NFATC2: variants seen among roughly 807,000 people sequenced by gnomAD.
NFATC2 encodes nuclear factor of activated T-cells, cytoplasmic 2.
NFATC2 carries 22 observed loss-of-function variants against 87.3 expected under a neutral mutation model. The observed-to-expected ratio is 0.25, with a 90% confidence interval of 0.18 to 0.36. The LOEUF is 0.36. Ranked by LOEUF, NFATC2 falls within the 10% of genes least tolerant of loss-of-function variation. NFATC2 has a pLI of 1.00. For synonymous variants in NFATC2, 565 were observed against 542.2 expected (o/e 1.04, Z -0.58); for missense variants, 1,149 against 1,259.1 (o/e 0.91, Z 1.32).
At chr20:51,392,787 G>A (rs1304375944) in intron 10 of NFATC2, among the ~76,000 whole-genome samples, 9 of 152,146 alleles carry the variant, frequency 5.9e-5, no homozygotes. Context: ...GTTTCTCCAT[G>A]GTCAAAGCTG....
intron 9 of NFATC2, chr20:51,399,314 AAAT>A (rs1987724336): frequency 6.5e-6 from 1 of 152,758 alleles, no homozygotes; most frequent in African/African-American, 2.4e-5. Context: ...AGTCTATTGT[AAAT>A]AATACTCCTC....
At chr20:51,454,817 T>C (rs1986225466) in intron 5 of NFATC2, 129 bp from the exon 6 acceptor site, 1 of 1,022,540 alleles carries the variant, frequency 9.8e-7, no homozygotes, top group Non-Finnish European at 1.4e-6. Context: ...ATCTAAAATG[T>C]GGAACCATCA....
chr20:51,441,470 C>G (rs1048553065), intron 6 of NFATC2, among the ~76,000 whole-genome samples: 1 of 152,014 alleles, frequency 6.6e-6, no homozygotes, highest in Non-Finnish European at 1.5e-5. Context: ...AATCCCAGCA[C>G]TTTGGGAGGC....
chr20:51,440,837 C>A (rs1024636067), intron 6 of NFATC2, among the ~76,000 whole-genome samples: 2 of 152,220 alleles, frequency 1.3e-5, no homozygotes, highest in Non-Finnish European at 2.9e-5. Flanking sequence ...GGGAAGTGTG[C>A]GGTTTGCAAG....
At chr20:51,417,206 A>G (rs1980169023) in intron 9 of NFATC2, among the ~76,000 whole-genome samples, 1 of 152,108 alleles carries the variant, frequency 6.6e-6, no homozygotes, top group South Asian at 2.1e-4. Flanking sequence ...CACGGCGCCC[A>G]GTAAGGGGGA....
intron 1 of NFATC2, among the ~76,000 whole-genome samples, chr20:51,548,644 G>T (rs1307936271): frequency 6.6e-6 from 1 of 152,180 alleles, no homozygotes. Context: ...AATTTAAGTG[G>T]ACATCCTGTA....
At chr20:51,419,438 T>TC (rs1244656957) in intron 9 of NFATC2, among the ~76,000 whole-genome samples, 1 of 152,094 alleles carries the variant, frequency 6.6e-6, no homozygotes, top group African/African-American at 2.4e-5. Context: ...TCCTCTTTTT[T>TC]CCCATCCAGG....
intron 9 of NFATC2, among the ~76,000 whole-genome samples, chr20:51,414,481 G>C (rs1979744888): frequency 6.6e-6 from 1 of 152,124 alleles, no homozygotes; most frequent in Non-Finnish European, 1.5e-5. Flanking sequence ...CTGAGGTCAG[G>C]AGTTCGAGAC....
At chr20:51,529,928 C>G (rs1693703085) in intron 1 of NFATC2, among the ~76,000 whole-genome samples, 1 of 152,146 alleles carries the variant, frequency 6.6e-6, no homozygotes. Context: ...AGCCCCGCCC[C>G]CGCCAATGCT....
intron 3 of NFATC2, among the ~76,000 whole-genome samples, chr20:51,512,720 T>C (rs748640982): frequency 5.7e-4 from 87 of 152,178 alleles, no homozygotes; most frequent in Admixed American, 9.8e-4. Context: ...CCACTAGGCA[T>C]GAAAAAAGAA....
At position 51,480,429 on chromosome 20, in the gene NFATC2, A is replaced by G. The variant is rs1258384168; in HGVS notation, c.1333-4769T>C. ...ACAAAAACGGTAGTTCCTTGAGAGAAAAACCTCTTTAGGAAAGCCAAGAAT... is the reference window on the plus strand; with the variant it reads ...ACAAAAACGGTAGTTCCTTGAGAGAGAAACCTCTTTAGGAAAGCCAAGAAT... On this transcript the variant is annotated intron_variant, in intron 3 of 10. Coordinates refer to ENST00000371564, the MANE Select transcript of NFATC2 (RefSeq NM_012340.5). The surrounding 1 kb of genome is among the most constrained non-coding windows in gnomAD (Gnocchi z 4.2). Among the ~76,000 whole-genome samples the G allele has an allele frequency of 6.6e-6, 1 of 152,202 alleles. No homozygotes were observed. Among genetic ancestry groups the G allele is most frequent in the Non-Finnish European group, 1.5e-5 (1 of 68,042 alleles).
At position 51,511,710 on chromosome 20, in the gene NFATC2, C is replaced by G. The variant is rs138890657; in HGVS notation, c.1332+5074G>C. Among the ~76,000 whole-genome samples, 449 of 152,324 alleles carry G rather than the reference C, an allele frequency of 2.9e-3. 2 individuals carry two copies. The highest frequency in any genetic ancestry group is 4.7e-3 in the Admixed American group (72 of 15,298). Reference sequence around the variant, plus strand: ...CCGCTCCCACTGCCACCTTCTAGTCCTTACCACCTTGATCTTTCCCCTGGT... The same window carrying G: ...CCGCTCCCACTGCCACCTTCTAGTCGTTACCACCTTGATCTTTCCCCTGGT... On this transcript the variant is annotated intron_variant, in intron 3 of 10. Coordinates refer to ENST00000371564, the MANE Select transcript of NFATC2 (RefSeq NM_012340.5).
At position 51,528,393 on chromosome 20, in the gene NFATC2, CAG is replaced by C. The variant is rs200132070; in HGVS notation, c.131-4285_131-4284del. Among the ~76,000 whole-genome samples, 1,165 of 148,360 alleles carry C rather than the reference CAG, an allele frequency of 7.9e-3. 9 individuals are homozygous for C. The highest frequency in any genetic ancestry group is 0.035 in the Middle Eastern group (10 of 288). On this transcript the variant is annotated intron_variant, in intron 1 of 10. Coordinates refer to ENST00000371564, the MANE Select transcript of NFATC2 (RefSeq NM_012340.5). ...AAAAGTGAGAGGATGTACACAAACA[CAG>C]AGAGATGTACACACAATGTACACAG...
intron 3 of NFATC2, among the ~76,000 whole-genome samples, chr20:51,507,293 G>A (rs951538087): frequency 2.0e-5 from 3 of 152,166 alleles, no homozygotes; most frequent in African/African-American, 2.4e-5. Context: ...CCATGTGGTT[G>A]CAAGGATGAG....
At chr20:51,426,847 C>T (rs143107322) in intron 9 of NFATC2, among the ~76,000 whole-genome samples, 3 of 146,754 alleles carry the variant, frequency 2.0e-5, no homozygotes, top group Non-Finnish European at 4.6e-5. Context: ...CTGTGGGTGG[C>T]CCGCTTGTGA....
At chr20:51,422,050 C>T (rs899259606) in intron 9 of NFATC2, among the ~76,000 whole-genome samples, 2 of 152,192 alleles carry the variant, frequency 1.3e-5, no homozygotes, top group African/African-American at 4.8e-5. Context: ...CTACTTTGCC[C>T]AGAGTTTTGG....
chr20:51,440,721 G>A (rs1021814422), intron 6 of NFATC2, among the ~76,000 whole-genome samples: 20 of 152,284 alleles, frequency 1.3e-4, no homozygotes, highest in Middle Eastern at 3.4e-3. Context: ...GTCTGCACTC[G>A]GTTCTGGACA....
At chr20:51,544,404 C>T (rs2076872350), upstream of NFATC2, among the ~76,000 whole-genome samples, 1 of 152,108 alleles carries the variant, frequency 6.6e-6, no homozygotes, top group Non-Finnish European at 1.5e-5. Context: ...TCAAGTGATT[C>T]GAATCCTTCC....
At chr20:51,472,741 TTC>T (rs1988346511) in intron 5 of NFATC2, among the ~76,000 whole-genome samples, 1 of 150,858 alleles carries the variant, frequency 6.6e-6, no homozygotes, top group Non-Finnish European at 1.5e-5. Flanking sequence ...ATTCAAGTGA[TTC>T]TCCTGCCTCA....
Sources: gnomAD v4.1 joint callset for allele counts (sites outside exome capture counted in the v4.1 genomes callset) on GRCh38, gnomAD v4.1.1 for gene constraint, Gnocchi (gnomAD v3.1) non-coding constraint, MANE v1.5 for transcripts, NCBI Gene and HGNC (gene_info 2026-07-23, HGNC 2026-07-21) for gene names.